DHX38: variants seen among roughly 807,000 people sequenced by gnomAD.
The protein encoded by DHX38 is pre-mRNA-splicing factor ATP-dependent RNA helicase PRP16.
Under a neutral mutation model 153.1 loss-of-function variants are expected in DHX38, and 100 were observed. That is an observed-to-expected ratio of 0.65 (90% CI 0.56 to 0.77). The LOEUF (loss-of-function observed/expected upper bound fraction) is 0.77. Among genes scored for constraint, DHX38 ranks in the 30% least tolerant of loss-of-function variants. The pLI, the probability that DHX38 is intolerant of heterozygous loss-of-function variation, is 0.00. For missense variants in DHX38, 1,440 were observed against 1,654.0 expected, an observed-to-expected ratio of 0.87 and a Z score of 2.24; for synonymous variants, 650 against 631.7, an observed-to-expected ratio of 1.03 and a Z score of -0.43.
At position 72,103,096 on chromosome 16, in the gene DHX38, C is replaced by A; in HGVS notation, c.1522C>A (p.His508Asn). ...DYRTEQKFADHMKRKSEASSE... is the reference protein window; with the variant it reads ...DYRTEQKFADNMKRKSEASSE... ...TAGGACAGAGCAGAAGTTTGCAGAT[C>A]ACATGAAGAGAAAGAGCGAAGCCAG... The change falls in exon 12 of 27, where the codon CAC becomes AAC. Residue 508 changes from histidine to asparagine, a missense_variant. By Grantham distance (68) the His-to-Asn change is moderately conservative. Around this residue, in one of 6 missense-constraint regions of DHX38, gnomAD observed 241 missense variants for 229.5 expected, o/e 1.05. Transcript: ENST00000268482. 1 of 1,614,206 alleles carries A rather than the reference C, an allele frequency of 6.2e-7. No homozygotes were observed. The highest frequency in any genetic ancestry group is 8.5e-7 in the Non-Finnish European group (1 of 1,180,026).
chr16:72,108,758 G>T, intron 23 of DHX38, 42 bp from the exon 24 acceptor site: 4 of 1,605,022 alleles, frequency 2.5e-6, no homozygotes, highest in Non-Finnish European at 2.6e-6. Context: ...CCAAATGGGT[G>T]TTGTTTTCCT....
At chr16:72,112,291 C>T in intron 26 of DHX38, 122 bp from the exon 27 acceptor site, 1 of 906,192 alleles carries the variant, frequency 1.1e-6, no homozygotes, top group East Asian at 2.4e-5. Context: ...GGAGGAGATC[C>T]CTCGGCCCAG....
At position 72,108,590 on chromosome 16, in the gene DHX38, C is replaced by T. The variant is rs1434164217; in HGVS notation, c.3238C>T (p.Gln1080Ter). ...GTGCATCTGTGCTGCCTATTTCCAC[C>T]AAGCAGCCAAGCTCAAGGTGAACCC... ...RKCICAAYFH[Q>*]AAKLKGIGEY... The change falls in exon 23 of 27, where the codon CAA (glutamine) becomes TAA (stop). Residue 1080 changes from glutamine (Q) to a stop codon, truncating the protein, a stop_gained. Coordinates refer to ENST00000268482, the MANE Select transcript of DHX38 (RefSeq NM_014003.4). LOFTEE classifies it high-confidence loss of function. 1 of 1,613,942 alleles carries T rather than the reference C, an allele frequency of 6.2e-7. No homozygotes were observed. The highest frequency in any genetic ancestry group is 8.5e-7 in the Non-Finnish European group (1 of 1,179,930).
chr16:72,109,313 C>CAGCCA (rs1319884128), intron 24 of DHX38, 102 bp from the exon 25 acceptor site: 111 of 1,296,276 alleles, frequency 8.6e-5, no homozygotes, highest in Admixed American at 2.3e-4. Context: ...CCTTGCAGGG[C>CAGCCA]CAGGGATTGG....
chr16:72,095,506 C>G (rs960464486), intron 1 of DHX38, among the ~76,000 whole-genome samples: 1 of 151,972 alleles, frequency 6.6e-6, no homozygotes, highest in Non-Finnish European at 1.5e-5. Context: ...GGTGAGGGAC[C>G]AACAGTATAT....
rs760079095 is a variant in DHX38, at chr16:72,099,030, C to G, written c.868C>G (p.Leu290Val). Residue 290 changes from leucine (L) to valine (V), a missense_variant, in exon 6 of 27, where the codon CTG (leucine) becomes GTG (valine). Physicochemically the swap from Leu to Val is conservative, Grantham distance 32 (BLOSUM62 1). Transcript: ENST00000268482. Reference protein sequence around the residue: ...DRRHLGSTPRLSRGRGRREEG... With the variant: ...DRRHLGSTPRVSRGRGRREEG... ...AAGACACTTGGGGTCCACCCCGCGTCTGTCCAGGGGCCGAGGTGAGGCCTG... is the reference window on the plus strand; with the variant it reads ...AAGACACTTGGGGTCCACCCCGCGTGTGTCCAGGGGCCGAGGTGAGGCCTG... The G allele has an allele frequency of 6.2e-7, 1 of 1,612,792 alleles. No homozygotes were observed.
chr16:72,099,202 A>AG lies in DHX38; in HGVS notation c.884dup. On this transcript the variant is annotated splice_acceptor_variant, in intron 6 of 26. Transcript: ENST00000268482. LOFTEE classifies it high-confidence loss of function. ...ACTGACCTGCTTCCTGTGCTCCTCCAGGAAGACGTGAGGAGGGCGAAGAAG... is the reference window on the plus strand; with the variant it reads ...ACTGACCTGCTTCCTGTGCTCCTCCAGGGAAGACGTGAGGAGGGCGAAGAAG... 6.2e-7 allele frequency: 1 copy of AG among 1,609,378 alleles called. No homozygotes were observed. The highest frequency in any genetic ancestry group is 8.5e-7 in the Non-Finnish European group (1 of 1,178,104).
At chr16:72,110,604 C>G (rs1351300863) in intron 25 of DHX38, among the ~76,000 whole-genome samples, 4 of 152,232 alleles carry the variant, frequency 2.6e-5, no homozygotes, top group Admixed American at 6.5e-5. Flanking sequence ...TACCAGGCTC[C>G]CTTGCATCTT....
In DHX38 at chr16:72,104,438, A is replaced by T; in HGVS notation, c.2011-48A>T. 6.2e-7 allele frequency: 1 copy of T among 1,606,642 alleles called. No individual in the cohort carries two copies. Among genetic ancestry groups the T allele is most frequent in the Non-Finnish European group, 8.5e-7 (1 of 1,178,628 alleles). ...GGTGCTGATGGGACTGGGGGACAGG[A>T]GCCAAGGGTCCCCACCATGGGGGCC... is the stretch of plus-strand genomic sequence containing the variant. On this transcript the variant is annotated intron_variant, in intron 14 of 26. Transcript: ENST00000268482. This position sits in a 1 kb window ranked among gnomAD's most constrained non-coding sequence, Gnocchi z 4.5.
chr16:72,105,390 C>T, intron 17 of DHX38, 42 bp downstream of exon 17: 1 of 1,608,948 alleles, frequency 6.2e-7, no homozygotes, highest in Non-Finnish European at 8.5e-7. Context: ...TTGGAGTTCT[C>T]TAAAGGAAGC....
chr16:72,103,287 CTT>C, intron 12 of DHX38, 76 bp downstream of exon 12: 2 of 1,549,112 alleles, frequency 1.3e-6, no homozygotes, highest in Non-Finnish European at 1.7e-6. Context: ...CCCAGGAGCT[CTT>C]TTTCTTTTGT....
chr16:72,099,109 G>C, intron 6 of DHX38, 64 bp downstream of exon 6: 8 of 1,603,012 alleles, frequency 5.0e-6, no homozygotes, highest in Non-Finnish European at 6.8e-6. Context: ...ATGAGCAGGG[G>C]CTGCCCTTCT....
chr16:72,109,101 G>T (rs1222175351), intron 24 of DHX38, among the ~76,000 whole-genome samples, 176 bp downstream of exon 24: 1 of 152,186 alleles, frequency 6.6e-6, no homozygotes, highest in East Asian at 1.9e-4. Context: ...CTCTGCACAG[G>T]GTTGACCTCT....
intron 11 of DHX38, 97 bp from the exon 12 acceptor site, chr16:72,102,977 G>A (rs2033250929): frequency 1.3e-6 from 2 of 1,517,380 alleles, no homozygotes; most frequent in Admixed American, 2.0e-5. Flanking sequence ...TCTTGCCGAA[G>A]TCCTCATTCC....
chr16:72,099,912 G>A (rs1221402661), intron 8 of DHX38, 25 bp downstream of exon 8: 5 of 1,582,614 alleles, frequency 3.2e-6, no homozygotes, highest in South Asian at 1.2e-5. Context: ...AGAAGTTGGA[G>A]CAGATTCAGA....
Position 72,103,054 on chromosome 16 carries a change from A to T in DHX38, c.1500-20A>T, listed in dbSNP as rs1213901693. On this transcript the variant is annotated intron_variant, in intron 11 of 26. Transcript: ENST00000268482. ...GCATGGGGCACCATGCAGGGTGTTT[A>T]GGCTGCTGTGTGTTCCTAGGACAGA... 6.2e-7 allele frequency: 1 copy of T among 1,613,626 alleles called. No homozygotes were observed. The highest frequency in any genetic ancestry group is 8.5e-7 in the Non-Finnish European group (1 of 1,179,668).
intron 26 of DHX38, 117 bp downstream of exon 26, chr16:72,111,194 G>A: frequency 7.2e-7 from 1 of 1,390,806 alleles, no homozygotes; most frequent in Non-Finnish European, 9.4e-7. Context: ...AAGGCAAACT[G>A]GTGACAGAAG....
Position 72,096,824 on chromosome 16 carries a change from A to C in DHX38, c.326A>C (p.His109Pro). Residue 109 changes from histidine (H) to proline (P), a missense_variant and splice_region_variant, in exon 3 of 27, where the codon CAT (histidine) becomes CCT (proline). His to Pro is a moderately conservative substitution (Grantham distance 77). Coordinates refer to ENST00000268482, the MANE Select transcript of DHX38 (RefSeq NM_014003.4). ...QAGQNIRKDR[H>P]YRSARVETPS... Reference sequence around the variant, plus strand: ...ACCAGTTGCTCTCCCTGTTTCAGACATTATCGGTCTGCTCGGGTAGAGACT... The same window carrying C: ...ACCAGTTGCTCTCCCTGTTTCAGACCTTATCGGTCTGCTCGGGTAGAGACT... The C allele has an allele frequency of 5.0e-6, 8 of 1,611,122 alleles. No individual in the cohort carries two copies. Among genetic ancestry groups the C allele is most frequent in the Non-Finnish European group, 6.8e-6 (8 of 1,178,494 alleles).
chr16:72,095,861 G>A (rs1393577368), intron 1 of DHX38, among the ~76,000 whole-genome samples: 1 of 151,778 alleles, frequency 6.6e-6, no homozygotes, highest in Admixed American at 6.6e-5. Context: ...ATTGCCTCTT[G>A]GATCTTTGTG....
Sources: gnomAD v4.1 joint callset for allele counts (sites outside exome capture counted in the v4.1 genomes callset) on GRCh38, gnomAD v4.1.1 for gene constraint, gnomAD v4.1.1 regional missense constraint, Gnocchi (gnomAD v3.1) non-coding constraint, MANE v1.5 for transcripts, NCBI Gene and HGNC (gene_info 2026-07-23, HGNC 2026-07-21) for gene names.